The following PTPN13 variants were observed in gnomAD, a reference collection of about 807,000 sequenced individuals.
PTPN13 encodes the protein protein tyrosine phosphatase non-receptor type 13.
In PTPN13, 191 loss-of-function variants were observed where a neutral mutation model predicts 284.0. The ratio of observed to expected loss-of-function variants is 0.67; its 90% CI spans 0.60 to 0.76. The LOEUF (loss-of-function observed/expected upper bound fraction) is 0.76, where lower values mean the gene tolerates loss of function less well. PTPN13 is among the 30% of genes least tolerant of loss of function. PTPN13 has a pLI of 0.00. For synonymous variants in PTPN13, 986 were observed against 1,022.3 expected (o/e 0.96, Z 0.68); for missense variants, 2,797 against 2,939.9 (o/e 0.95, Z 1.12).
rs200088814 is a variant in PTPN13 at position 86,688,977 on chromosome 4, C to G, written c.361-28C>G. 3 of 1,513,304 alleles carry G rather than the reference C, an allele frequency of 2.0e-6. No homozygotes were observed. The African/African-American group carries it at 4.1e-5, about 21-fold the overall frequency. The allele number at this position is 1,513,304 out of a possible 1,614,324, so 93.7% of individuals were successfully genotyped here. A position where few individuals can be genotyped will look rare whatever the true frequency, so the allele number is the denominator to read the frequency against. On this transcript the variant is annotated intron_variant, in intron 4 of 47. Coordinates refer to ENST00000411767, the MANE Select transcript of PTPN13 (RefSeq NM_080683.3). ...GAAAAAATATTTGCTCACATTTACT[C>G]ACTGGCTTTTCCTTTATTTATATTC...
chr4:86,704,119 G>A (rs930747811), intron 7 of PTPN13, among the ~76,000 whole-genome samples: 1 of 152,158 alleles, frequency 6.6e-6, no homozygotes, highest in Non-Finnish European at 1.5e-5. Context: ...AGGAGGTGGA[G>A]GTTGCAGTGA....
At chr4:86,649,715 T>A (rs1435247972) in intron 2 of PTPN13, among the ~76,000 whole-genome samples, 1 of 152,176 alleles carries the variant, frequency 6.6e-6, no homozygotes, top group Non-Finnish European at 1.5e-5. Context: ...TTCTGGGTCT[T>A]TTGTGACTCC....
chr4:86,774,238 C>T (rs1740343379), intron 32 of PTPN13, 135 bp from the exon 33 acceptor site: 1 of 791,228 alleles, frequency 1.3e-6, no homozygotes. Context: ...ACAGACTTGA[C>T]TTCTTCACTT....
At chr4:86,620,428 G>C (rs1383726179) in intron 1 of PTPN13, among the ~76,000 whole-genome samples, 1 of 152,142 alleles carries the variant, frequency 6.6e-6, no homozygotes, top group East Asian at 1.9e-4. Context: ...CCAAAGTGCT[G>C]GGATTATAGG....
intron 16 of PTPN13, among the ~76,000 whole-genome samples, chr4:86,742,999 G>A (rs1204022589): frequency 6.6e-6 from 1 of 152,106 alleles, no homozygotes; most frequent in Non-Finnish European, 1.5e-5. Context: ...ATATTTAATA[G>A]CATTCATTTT....
rs1578251665 is a variant in PTPN13, at chr4:86,612,977, G to T, written c.-6+18188G>T. ...TGCATTACCAGAAATGTTAAAGACA[G>T]TTGTTCAGGCAGTAGGGTAATGATA... On this transcript the variant is annotated intron_variant, in intron 1 of 47. Transcript: ENST00000411767. Among the ~76,000 whole-genome samples, 3 of 152,292 alleles carry T rather than the reference G, an allele frequency of 2.0e-5. No homozygotes were observed. The South Asian group carries it at 6.2e-4, about 32-fold the overall frequency.
intron 19 of PTPN13, 51 bp downstream of exon 19, chr4:86,751,175 G>A: frequency 7.8e-7 from 1 of 1,275,980 alleles, no homozygotes; most frequent in South Asian, 1.3e-5. Context: ...TGCTCAGAGG[G>A]AAGTGAACAA....
At chr4:86,669,786 C>G (rs1256317815) in intron 2 of PTPN13, among the ~76,000 whole-genome samples, 1 of 152,048 alleles carries the variant, frequency 6.6e-6, no homozygotes, top group Admixed American at 6.6e-5. Flanking sequence ...GCATTCAGGC[C>G]TCTGTGTTAG....
At chr4:86,631,513 A>G (rs1441277138) in intron 1 of PTPN13, among the ~76,000 whole-genome samples, 1 of 152,178 alleles carries the variant, frequency 6.6e-6, no homozygotes, top group African/African-American at 2.4e-5. Context: ...TTTTAAAAAA[A>G]TCTTTAAGTT....
At chr4:86,802,883 GCAA>G (rs1744190949) in intron 42 of PTPN13, among the ~76,000 whole-genome samples, 1 of 152,040 alleles carries the variant, frequency 6.6e-6, no homozygotes, top group African/African-American at 2.4e-5. Context: ...ACCAGCCTGG[GCAA>G]CATAGCAAAA....
chr4:86,658,164 G>A (rs898260723), intron 2 of PTPN13, among the ~76,000 whole-genome samples: 4 of 152,204 alleles, frequency 2.6e-5, no homozygotes, highest in African/African-American at 9.6e-5. Context: ...CCCACTGGTA[G>A]TCTGAATGCT....
chr4:86,606,666 G>A (rs1303095963), intron 1 of PTPN13, among the ~76,000 whole-genome samples: 1 of 151,834 alleles, frequency 6.6e-6, no homozygotes, highest in Admixed American at 6.6e-5. Context: ...CAAGTGCAAT[G>A]CAATTCAATA....
At chr4:86,609,143 T>G (rs538122841) in intron 1 of PTPN13, among the ~76,000 whole-genome samples, 1 of 152,314 alleles carries the variant, frequency 6.6e-6, no homozygotes, top group African/African-American at 2.4e-5. Context: ...GAAATCACTA[T>G]TAATCCTTTC....
chr4:86,605,207 G>A (rs1311313220), intron 1 of PTPN13, among the ~76,000 whole-genome samples: 2 of 151,932 alleles, frequency 1.3e-5, no homozygotes, highest in Non-Finnish European at 2.9e-5. Context: ...TAGGAGAGTG[G>A]AGGGTAAAGG....
chr4:86,690,847 A>G (rs754676734), intron 5 of PTPN13, among the ~76,000 whole-genome samples: 7 of 152,216 alleles, frequency 4.6e-5, no homozygotes, highest in Non-Finnish European at 1.0e-4. Flanking sequence ...TCTCTTTATT[A>G]TAGTGGATCT....
chr4:86,737,258 T>A (rs959287506), intron 15 of PTPN13, among the ~76,000 whole-genome samples: 4 of 140,356 alleles, frequency 2.8e-5, no homozygotes, highest in South Asian at 2.2e-4. Context: ...AAATAAAATA[T>A]AAAATAAAAT....
chr4:86,616,546 G>A (rs1273213176), intron 1 of PTPN13, among the ~76,000 whole-genome samples: 6 of 151,950 alleles, frequency 3.9e-5, no homozygotes, highest in Admixed American at 2.0e-4. Flanking sequence ...GTGGGGCCAT[G>A]GGGGGTGGGT....
intron 17 of PTPN13, among the ~76,000 whole-genome samples, chr4:86,749,602 A>G (rs1208293203): frequency 6.6e-6 from 1 of 152,242 alleles, no homozygotes; most frequent in Non-Finnish European, 1.5e-5. Flanking sequence ...TCACTGTGAC[A>G]TTGGTTCCTA....
chr4:86,683,934 A>G (rs1729169297), intron 3 of PTPN13, among the ~76,000 whole-genome samples: 1 of 152,192 alleles, frequency 6.6e-6, no homozygotes, highest in Non-Finnish European at 1.5e-5. Context: ...AAAGGTATTT[A>G]CACTTAAGAC....
Sources: gnomAD v4.1 joint callset for allele counts (sites outside exome capture counted in the v4.1 genomes callset) on GRCh38, gnomAD v4.1.1 for gene constraint, MANE v1.5 for transcripts, NCBI Gene and HGNC (gene_info 2026-07-23, HGNC 2026-07-21) for gene names.